The following TOP1MT variants were observed in gnomAD, a reference collection of about 807,000 sequenced individuals.
TOP1MT encodes DNA topoisomerase I, mitochondrial.
In TOP1MT, 80 loss-of-function variants were observed where a neutral mutation model predicts 73.9. The ratio of observed to expected loss-of-function variants is 1.08; its 90% CI spans 0.90 to 1.30. TOP1MT has a LOEUF of 1.30. Ranked by LOEUF, TOP1MT falls within the 50% of genes most tolerant of loss-of-function variation. The pLI is 0.00. For synonymous variants in TOP1MT, 338 were observed against 326.4 expected (o/e 1.04, Z -0.38); for missense variants, 815 against 808.0 (o/e 1.01, Z -0.10).
upstream of TOP1MT, among the ~76,000 whole-genome samples, chr8:143,338,528 T>C (rs1020162850): frequency 7.3e-5 from 11 of 151,030 alleles, no homozygotes; most frequent in African/African-American, 2.7e-4. Context: ...GATCGCACCA[T>C]TGCACTCCAG....
Position 143,322,388 on chromosome 8 carries a change from C to T in TOP1MT, c.961-1002G>A, listed in dbSNP as rs1280956055. On this transcript the variant is annotated intron_variant, in intron 7 of 13. Transcript: ENST00000329245. The stretch of plus-strand genomic sequence containing the variant: ...CACACACAGGCACGCCACACACGCA[C>T]GCCACACACATGCTCACCACACACG... 5.0e-5 allele frequency among the ~76,000 whole-genome samples: 5 copies of T among 99,442 alleles called. 1 individual carries two copies. Among genetic ancestry groups the T allele is most frequent in the East Asian group, 1.0e-3 (2 of 1,984 alleles). The allele number at this position is 99,442 out of a possible 152,430, so 65.2% of individuals were successfully genotyped here.
upstream of TOP1MT, among the ~76,000 whole-genome samples, chr8:143,356,800 A>T (rs1265107603): frequency 7.5e-6 from 1 of 132,936 alleles, no homozygotes; most frequent in Non-Finnish European, 1.6e-5. Flanking sequence ...AAAAAAAAAA[A>T]AAAAAAAAAA....
chr8:143,359,311 A>G, upstream of TOP1MT: 5 of 985,378 alleles, frequency 5.1e-6, no homozygotes, highest in Non-Finnish European at 6.0e-6. Context: ...AGGAGAAGGG[A>G]GGCAGGTCAC....
upstream of TOP1MT, among the ~76,000 whole-genome samples, chr8:143,346,076 C>T (rs1396826006): frequency 2.6e-5 from 4 of 152,188 alleles, no homozygotes; most frequent in Admixed American, 1.3e-4. Flanking sequence ...CAGTTTATCA[C>T]GTGTAGATAA....
At chr8:143,339,543 A>T (rs1432115933), upstream of TOP1MT, among the ~76,000 whole-genome samples, 14 of 152,196 alleles carry the variant, frequency 9.2e-5, no homozygotes, top group East Asian at 1.3e-3. Flanking sequence ...CACACAGCAA[A>T]CACTCACTTA....
rs987611157 is a variant in TOP1MT at position 143,334,814 on chromosome 8, G to A, written c.48C>T (p.Leu16=). The A allele has an allele frequency of 8.3e-6, 13 of 1,561,668 alleles. No homozygotes were observed. The highest frequency in any genetic ancestry group is 4.8e-5 in the African/African-American group (3 of 62,912). ...LLRLRAALTL[L]GEVPRRPASR... is the part of the protein sequence containing the mutation. ...AGGCCGGGCGGCGGGGGACCTCCCCGAGCAGCGTCAGAGCCGCCCGGAGCC... is the reference window on the plus strand; with the variant it reads ...AGGCCGGGCGGCGGGGGACCTCCCCAAGCAGCGTCAGAGCCGCCCGGAGCC... The change falls in exon 1 of 14, where the codon CTC becomes CTT. Residue 16 remains leucine, a synonymous_variant. Coordinates refer to ENST00000329245, the MANE Select transcript of TOP1MT (RefSeq NM_052963.3).
chr8:143,332,740 T>C (rs1816894067), intron 1 of TOP1MT: 1 of 422,916 alleles, frequency 2.4e-6, no homozygotes, highest in Non-Finnish European at 4.4e-6. Context: ...CTCAAGAACC[T>C]TCCAGGGTGG....
chr8:143,342,787 A>G (rs1318739397), intron 2 of TOP1MT, among the ~76,000 whole-genome samples: 1 of 147,128 alleles, frequency 6.8e-6, no homozygotes, highest in Non-Finnish European at 1.5e-5. Context: ...TATTATTATT[A>G]TTATTATTAT....
intron 8 of TOP1MT, among the ~76,000 whole-genome samples, chr8:143,319,227 CA>C (rs1816260347): frequency 6.6e-6 from 1 of 152,208 alleles, no homozygotes. Flanking sequence ...CACCTGTCCC[CA>C]AACTTCCATT....
At chr8:143,327,933 A>G (rs1816751088) in intron 3 of TOP1MT, 2 of 334,984 alleles carry the variant, frequency 6.0e-6, no homozygotes, top group Non-Finnish European at 1.2e-5. Context: ...GCTGACCTCA[A>G]TGGAAACCTA....
intron 13 of TOP1MT, 133 bp from the exon 14 acceptor site, chr8:143,309,676 C>A: frequency 6.6e-7 from 1 of 1,520,452 alleles, no homozygotes; most frequent in Non-Finnish European, 8.8e-7. Context: ...CTGGGACCTG[C>A]TCCTCTAGGC....
chr8:143,322,517 A>AC (rs2130113591), intron 7 of TOP1MT, among the ~76,000 whole-genome samples: 1 of 51,530 alleles, frequency 1.9e-5, no homozygotes, highest in Non-Finnish European at 4.3e-5. Context: ...GGCACGCCAC[A>AC]CAACAGGCAC....
chr8:143,336,281 A>T (rs1053140155), upstream of TOP1MT, among the ~76,000 whole-genome samples: 1 of 152,148 alleles, frequency 6.6e-6, no homozygotes, highest in Admixed American at 6.5e-5. Context: ...GTGTGAGCCG[A>T]TGCCCAGTTG....
At chr8:143,357,028 A>G (rs539032347), upstream of TOP1MT, among the ~76,000 whole-genome samples, 2 of 147,902 alleles carry the variant, frequency 1.4e-5, no homozygotes, top group East Asian at 4.1e-4. Flanking sequence ...CGAGAGGCAG[A>G]GCTTGCAGTG....
intron 12 of TOP1MT, among the ~76,000 whole-genome samples, chr8:143,311,446 C>T (rs1274044954): frequency 1.3e-5 from 2 of 152,178 alleles, no homozygotes; most frequent in Non-Finnish European, 2.9e-5. Context: ...AAAACTTTTA[C>T]CCTTTAAGAA....
At chr8:143,334,709 C>G in intron 1 of TOP1MT, 31 bp downstream of exon 1, 7 of 1,597,220 alleles carry the variant, frequency 4.4e-6, no homozygotes, top group Non-Finnish European at 6.0e-6. Context: ...GTGCTCAGGG[C>G]CCTCGCCGCC....
In TOP1MT at chr8:143,332,451, C is replaced by T. The variant is rs147534776; in HGVS notation, c.123-1112G>A. ...GCACACCTTCTGAGCCTCCCCCAGACGCACAAGGACAGAAGGTTCCAGATC... is the reference window on the plus strand; with the variant it reads ...GCACACCTTCTGAGCCTCCCCCAGATGCACAAGGACAGAAGGTTCCAGATC... On this transcript the variant is annotated intron_variant, in intron 1 of 13. Coordinates refer to ENST00000329245, the MANE Select transcript of TOP1MT (RefSeq NM_052963.3). 1.3e-4 allele frequency: 161 copies of T among 1,272,928 alleles called. No homozygotes were observed. In the African/African-American group the frequency reaches 1.7e-3, roughly 13 times the overall value. The allele number at this position is 1,272,928 out of a possible 1,614,324, so 78.9% of individuals were successfully genotyped here.
rs541287048 is a variant in TOP1MT, at chr8:143,312,735, A to T, written c.1554-2518T>A. On this transcript the variant is annotated intron_variant, in intron 12 of 13. Transcript: ENST00000329245. ...AATGCAAAAATATGAAATAAAAGGC[A>T]TATGATTGGAAAAGAAAAAGTAAAA... Among the ~76,000 whole-genome samples the T allele has an allele frequency of 2.6e-5, 4 of 152,370 alleles. No homozygotes were observed. The East Asian group carries it at 7.7e-4, about 29-fold the overall frequency.
At chr8:143,310,482 C>T (rs560313685) in intron 12 of TOP1MT, 4 of 349,794 alleles carry the variant, frequency 1.1e-5, no homozygotes, top group African/African-American at 4.2e-5. Context: ...GTGAGATGCT[C>T]GACACAACAG....
Sources: allele counts gnomAD v4.1 joint callset (sites outside exome capture counted in the v4.1 genomes callset), GRCh38; gene constraint gnomAD v4.1.1; transcripts MANE v1.5; gene names NCBI Gene and HGNC (gene_info 2026-07-23, HGNC 2026-07-21).